PTPRD: variants seen among roughly 807,000 people sequenced by gnomAD.
PTPRD encodes protein tyrosine phosphatase receptor type D.
In PTPRD, 34 loss-of-function variants were observed where a neutral mutation model predicts 214.5. The ratio of observed to expected loss-of-function variants is 0.16; its 90% CI spans 0.12 to 0.21. The LOEUF (loss-of-function observed/expected upper bound fraction) is 0.21. PTPRD is among the 10% of genes least tolerant of loss of function. The probability of loss-of-function intolerance (pLI) is 1.00; values close to 1 mark genes in which losing one functional copy is unlikely to be tolerated. For synonymous variants in PTPRD, 1,128 were observed against 845.7 expected, an observed-to-expected ratio of 1.33 and a Z score of -5.79; for missense variants, 2,545 against 2,398.7, an observed-to-expected ratio of 1.06 and a Z score of -1.27.
intron 11 of PTPRD, among the ~76,000 whole-genome samples, chr9:8,881,915 G>A (rs1331833343): frequency 1.3e-5 from 2 of 152,186 alleles, no homozygotes; most frequent in African/African-American, 2.4e-5. Context: ...GGAAAGAAAG[G>A]AGAAGGAAGG....
intron 5 of PTPRD, among the ~76,000 whole-genome samples, chr9:9,856,406 C>A (rs756398565): frequency 2.0e-5 from 3 of 152,092 alleles, no homozygotes; most frequent in Non-Finnish European, 4.4e-5. Context: ...AGGGACCCAT[C>A]CTTTTCTGCC....
intron 12 of PTPRD, among the ~76,000 whole-genome samples, chr9:8,696,526 A>G (rs1178584334): frequency 6.6e-6 from 1 of 152,178 alleles, no homozygotes; most frequent in East Asian, 1.9e-4. Context: ...TAGCAGAAGG[A>G]AGTAGAGGAG....
chr9:10,132,936 T>C (rs2098909101), intron 3 of PTPRD, among the ~76,000 whole-genome samples: 1 of 135,540 alleles, frequency 7.4e-6, no homozygotes, highest in Non-Finnish European at 1.6e-5. Flanking sequence ...ACAGAAGTGA[T>C]GATATGTCAC....
At chr9:9,451,689 T>C (rs1471063166) in intron 8 of PTPRD, among the ~76,000 whole-genome samples, 1 of 151,584 alleles carries the variant, frequency 6.6e-6, no homozygotes, top group Admixed American at 6.6e-5. Flanking sequence ...AAAGGTTATG[T>C]TTCAAAAAAA....
chr9:10,079,326 C>T (rs17618258), intron 3 of PTPRD, among the ~76,000 whole-genome samples: 10,417 of 152,056 alleles, frequency 0.069, 471 homozygotes, highest in Admixed American at 0.13. Flanking sequence ...CTGTTGGCCA[C>T]GTATGCAGGG....
At chr9:9,816,114 C>T (rs998857800) in intron 5 of PTPRD, among the ~76,000 whole-genome samples, 14 of 152,056 alleles carry the variant, frequency 9.2e-5, no homozygotes, top group South Asian at 2.1e-4. Context: ...TATACTACAC[C>T]TTAAATTATA....
intron 7 of PTPRD, among the ~76,000 whole-genome samples, chr9:9,720,543 T>G (rs1321962330): frequency 3.9e-5 from 6 of 152,174 alleles, no homozygotes; most frequent in Non-Finnish European, 1.5e-5. Flanking sequence ...GACTGTGTGT[T>G]GCTTTGAGTT....
chr9:9,589,493 C>T (rs1420372674), intron 7 of PTPRD, among the ~76,000 whole-genome samples: 1 of 151,764 alleles, frequency 6.6e-6, no homozygotes, highest in Non-Finnish European at 1.5e-5. Context: ...TCAGTAAGAC[C>T]ATGGAAAATA....
intron 7 of PTPRD, among the ~76,000 whole-genome samples, chr9:9,655,344 CAGAT>C (rs1564349458): frequency 3.3e-5 from 5 of 152,088 alleles, no homozygotes; most frequent in Non-Finnish European, 7.4e-5. Context: ...TCAAGGTGGG[CAGAT>C]CACCTGAGGT....
chr9:9,427,084 C>A (rs2081244117), intron 8 of PTPRD, among the ~76,000 whole-genome samples: 1 of 152,178 alleles, frequency 6.6e-6, no homozygotes, highest in Non-Finnish European at 1.5e-5. Flanking sequence ...GAGAAGAAGG[C>A]TTCAGACGAT....
chr9:10,166,277 G>GA (rs1332008572), intron 3 of PTPRD, among the ~76,000 whole-genome samples: 27 of 146,764 alleles, frequency 1.8e-4, no homozygotes, highest in African/African-American at 4.5e-4. Context: ...CACACTGTGA[G>GA]AAAAAAAAAT....
intron 5 of PTPRD, among the ~76,000 whole-genome samples, chr9:9,803,308 A>G (rs1458753173): frequency 2.0e-5 from 3 of 151,892 alleles, no homozygotes; most frequent in African/African-American, 7.2e-5. Flanking sequence ...CATTGGTAGT[A>G]AAAAATGTCA....
intron 3 of PTPRD, among the ~76,000 whole-genome samples, chr9:10,328,846 A>G (rs2096696560): frequency 6.6e-6 from 1 of 151,772 alleles, no homozygotes; most frequent in African/African-American, 2.4e-5. Context: ...TCCAACTCTG[A>G]TAGGACAAAA....
intron 2 of PTPRD, among the ~76,000 whole-genome samples, chr9:10,544,673 T>C (rs567813228): frequency 1.1e-3 from 161 of 152,322 alleles, no homozygotes; most frequent in African/African-American, 3.6e-3. Flanking sequence ...TTAAAGATTT[T>C]TGAGTATCAA....
chr9:10,305,731 C>T (rs538239317), intron 3 of PTPRD, among the ~76,000 whole-genome samples: 3 of 152,132 alleles, frequency 2.0e-5, no homozygotes, highest in Non-Finnish European at 2.9e-5. Flanking sequence ...GATACCTTCT[C>T]ACTTCAGTTA....
chr9:9,452,513 G>A (rs1026925708), intron 8 of PTPRD, among the ~76,000 whole-genome samples: 1 of 150,942 alleles, frequency 6.6e-6, no homozygotes, highest in African/African-American at 2.4e-5. Context: ...ATAAGATTTG[G>A]GGTAAAATAA....
At chr9:10,233,201 C>T (rs2099617801) in intron 3 of PTPRD, among the ~76,000 whole-genome samples, 1 of 151,940 alleles carries the variant, frequency 6.6e-6, no homozygotes, top group Non-Finnish European at 1.5e-5. Context: ...GATAATTCTG[C>T]TAGTTTCATA....
intron 3 of PTPRD, among the ~76,000 whole-genome samples, chr9:10,284,780 G>C (rs1055575414): frequency 8.4e-6 from 1 of 119,018 alleles, no homozygotes; most frequent in Admixed American, 8.3e-5. Context: ...AGGCCAGGAG[G>C]AGAGAGAGAG....
chr9:9,892,800 T>C (rs2073818277), intron 5 of PTPRD, among the ~76,000 whole-genome samples: 1 of 151,718 alleles, frequency 6.6e-6, no homozygotes, highest in Admixed American at 6.6e-5. Context: ...GCTTGAGTGG[T>C]ATAATATTTG....
Sources: allele counts gnomAD v4.1 joint callset (sites outside exome capture counted in the v4.1 genomes callset), GRCh38; gene constraint gnomAD v4.1.1; transcripts MANE v1.5; gene names NCBI Gene and HGNC (gene_info 2026-07-23, HGNC 2026-07-21).